The following DST variants were observed in gnomAD, a reference collection of about 807,000 sequenced individuals.
The protein encoded by DST is bullous pemphigoid antigen.
In DST, 253 loss-of-function variants were observed where a neutral mutation model predicts 875.2. That is an observed-to-expected ratio of 0.29 (90% CI 0.26 to 0.32). The LOEUF (loss-of-function observed/expected upper bound fraction) is 0.32. DST is among the 10% of genes least tolerant of loss of function. The pLI is 1.00. For missense variants in DST, 8,287 were observed against 9,111.6 expected (o/e 0.91, Z 3.68); for synonymous variants, 3,124 against 3,197.1 (o/e 0.98, Z 0.77).
At chr6:56,842,616 G>T (rs921362571) in intron 4 of DST, among the ~76,000 whole-genome samples, 6 of 152,016 alleles carry the variant, frequency 3.9e-5, no homozygotes, top group African/African-American at 1.2e-4. Flanking sequence ...AAATAAGAAA[G>T]ATCATTTTAA....
chr6:56,851,683 AC>A, intron 3 of DST, 79 bp from the exon 4 acceptor site: 1 of 1,553,020 alleles, frequency 6.4e-7, no homozygotes, highest in Non-Finnish European at 8.7e-7. Flanking sequence ...TCCCCCACCA[AC>A]CACCGCCGCC....
chr6:56,632,759 A>AC (rs1200570726), intron 28 of DST, 95 bp downstream of exon 28: 34 of 988,652 alleles, frequency 3.4e-5, no homozygotes, highest in Non-Finnish European at 5.0e-5. Flanking sequence ...GCTGGGTGAT[A>AC]CAATATACCT....
intron 61 of DST, among the ~76,000 whole-genome samples, chr6:56,550,094 G>T (rs1042966605): frequency 6.6e-6 from 1 of 152,086 alleles, no homozygotes. Context: ...GTTGATTATT[G>T]TAATTACTAT....
At position 56,555,601 on chromosome 6, in the gene DST, A is replaced by G. The variant is rs1322303762; in HGVS notation, c.14880T>C (p.Ser4960=). ...TATTATCCAAGTCACTCAGTTTATC[A>G]GAAAGGCTTCTCAGCAGGCTTTGAT... ...TQYQSLLRSL[S]DKLSDLDNKL... Residue 4960 remains serine, a synonymous_variant, in exon 60 of 104, where the codon TCT becomes TCC. Coordinates refer to ENST00000680361, the MANE Select transcript of DST (RefSeq NM_001374736.1). 6.2e-7 allele frequency: 1 copy of G among 1,614,040 alleles called. No individual in the cohort carries two copies. The highest frequency in any genetic ancestry group is 1.7e-5 in the Admixed American group (1 of 60,028).
In DST at chr6:56,459,413, C is replaced by T. The variant is rs888431191; in HGVS notation, c.23195-146G>A. 5 of 781,572 alleles carry T rather than the reference C, an allele frequency of 6.4e-6. No homozygotes were observed. The African/African-American group carries it at 8.7e-5, about 14-fold the overall frequency. The allele number at this position is 781,572 out of a possible 1,614,324, so 48.4% of individuals were successfully genotyped here. ...AAACAGTTGTGGATTCACAGCCTTT[C>T]TCTATTACACAAGGGTATGCAGGCT... On this transcript the variant is annotated intron_variant, in intron 103 of 103. Coordinates refer to ENST00000680361, the MANE Select transcript of DST (RefSeq NM_001374736.1).
At chr6:56,716,529 A>C (rs924660495) in intron 5 of DST, among the ~76,000 whole-genome samples, 1 of 152,244 alleles carries the variant, frequency 6.6e-6, no homozygotes, top group African/African-American at 2.4e-5. Flanking sequence ...AAAACTTAAC[A>C]ATACGAGCAT....
chr6:56,712,775 G>T (rs973218980), intron 5 of DST, among the ~76,000 whole-genome samples: 2 of 151,940 alleles, frequency 1.3e-5, no homozygotes, highest in African/African-American at 4.8e-5. Flanking sequence ...ATCATGCAAA[G>T]GTTATTTTAA....
intron 7 of DST, among the ~76,000 whole-genome samples, chr6:56,703,430 T>C (rs2152880801): frequency 6.6e-6 from 1 of 152,326 alleles, no homozygotes; most frequent in African/African-American, 2.4e-5. Flanking sequence ...CAGTAATGTA[T>C]AAATAATTCA....
intron 5 of DST, among the ~76,000 whole-genome samples, chr6:56,706,962 G>A (rs1258628406): frequency 1.3e-5 from 2 of 152,204 alleles, no homozygotes; most frequent in Non-Finnish European, 2.9e-5. Context: ...CCGAGATCAT[G>A]CCACTGCACT....
In DST at chr6:56,606,634, T is replaced by C. The variant is rs2098500808; in HGVS notation, c.7994A>G (p.Asn2665Ser). Residue 2665 changes from asparagine to serine, a missense_variant, in exon 40 of 104, where the codon AAT (asparagine) becomes AGT (serine). Asn to Ser is a conservative substitution (Grantham distance 46). This residue lies in a region of DST where 3,138 missense variants were observed against 3,116.6 expected (regional missense o/e 1.01). Transcript: ENST00000680361. ...ADVFYDVSKE[N>S]ENSMVPQGAP... ...CCCCTGGGGAACCATGGAATTTTCA[T>C]TCTCTTTTGAGACATCATAAAAAAC... 3 of 1,613,502 alleles carry C rather than the reference T, an allele frequency of 1.9e-6. No individual in the cohort carries two copies. The South Asian group carries it at 3.3e-5, about 18-fold the overall frequency.
chr6:56,704,936 T>C (rs2099327587), intron 5 of DST, among the ~76,000 whole-genome samples: 1 of 152,220 alleles, frequency 6.6e-6, no homozygotes. Context: ...GTCCAAACCC[T>C]TCCTCTGCAC....
At chr6:56,915,063 C>T (rs1562386974) in intron 2 of DST, among the ~76,000 whole-genome samples, 1 of 152,202 alleles carries the variant, frequency 6.6e-6, no homozygotes, top group Non-Finnish European at 1.5e-5. Context: ...CTATAAATAG[C>T]TGTGCCACCA....
In DST at chr6:56,536,768, G is replaced by A. The variant is rs1031800343; in HGVS notation, c.16770+11C>T. On this transcript the variant is annotated intron_variant, in intron 62 of 103. Coordinates refer to ENST00000680361, the MANE Select transcript of DST (RefSeq NM_001374736.1). ...TCAGCAAAATAGCAATGAAGGGGGT[G>A]AGAAAATTACCTTCTTATTGAGAGT... 25 of 1,521,922 alleles carry A rather than the reference G, an allele frequency of 1.6e-5. No homozygotes were observed. Among genetic ancestry groups the A allele is most frequent in the Non-Finnish European group, 2.1e-5 (24 of 1,131,490 alleles). 94.3% of individuals were successfully genotyped at this position (1,521,922 alleles called of 1,614,324 possible). A position where few individuals can be genotyped will look rare whatever the true frequency, so the allele number is the denominator to read the frequency against.
intron 2 of DST, among the ~76,000 whole-genome samples, chr6:56,924,282 G>A (rs1179119393): frequency 1.3e-5 from 2 of 152,210 alleles, no homozygotes; most frequent in African/African-American, 2.4e-5. Context: ...ATCACTGAAC[G>A]CAGAGTTGGA....
intron 4 of DST, chr6:56,843,028 CGCAGCCCCAGG>C: frequency 7.0e-7 from 1 of 1,426,538 alleles, no homozygotes. Context: ...TGCCAAGCTC[CGCAGCCCCAGG>C]GCAGGGACCA....
chr6:56,642,732 G>T (rs768015646), intron 15 of DST: 2 of 1,614,028 alleles, frequency 1.2e-6, no homozygotes, highest in African/African-American at 2.7e-5. Flanking sequence ...TTCGAGTGCT[G>T]GTAGTGTTAC....
Position 56,501,597 on chromosome 6 carries a change from T to C in DST, c.19663A>G (p.Lys6555Glu). ...LLKKVTEESD[K>E]HTVQDPLMEL... ...ATTAATGGGTCTTGAACAGTGTGTT[T>C]GTCACTCTCTTCTGTTACTTTCTTT... The change falls in exon 79 of 104, where the codon AAA (lysine) becomes GAA (glutamate). Residue 6555 changes from lysine (K) to glutamate (E), a missense_variant. Transcript: ENST00000680361. 6.2e-7 allele frequency: 1 copy of C among 1,609,570 alleles called. No homozygotes were observed. Among genetic ancestry groups the C allele is most frequent in the Non-Finnish European group, 8.5e-7 (1 of 1,177,914 alleles).
intron 10 of DST, among the ~76,000 whole-genome samples, chr6:56,666,834 C>T (rs572910182): frequency 6.6e-6 from 1 of 151,012 alleles, no homozygotes; most frequent in South Asian, 2.1e-4. Flanking sequence ...CTCCTGGACT[C>T]AAGCTATCCA....
chr6:56,468,786 A>G (rs1211598913), intron 98 of DST, among the ~76,000 whole-genome samples, 196 bp downstream of exon 98: 1 of 152,194 alleles, frequency 6.6e-6, no homozygotes, highest in Non-Finnish European at 1.5e-5. Flanking sequence ...TAATCTCCTC[A>G]TCTGAGAGAC....
Sources: allele counts gnomAD v4.1 joint callset (sites outside exome capture counted in the v4.1 genomes callset), GRCh38; gene constraint gnomAD v4.1.1; regional missense constraint gnomAD v4.1.1; transcripts MANE v1.5; gene names NCBI Gene and HGNC (gene_info 2026-07-23, HGNC 2026-07-21).